PJA1: variants seen among roughly 807,000 people sequenced by gnomAD.
The protein encoded by PJA1 is praja ring finger ubiquitin ligase 1.
Under a neutral mutation model 14.1 loss-of-function variants are expected in PJA1, and 5 were observed. The observed-to-expected ratio is 0.35, with a 90% confidence interval of 0.18 to 0.74. PJA1 has a LOEUF of 0.74. Ranked by LOEUF, PJA1 falls within the 30% of genes least tolerant of loss-of-function variation. The pLI, the probability that PJA1 is intolerant of heterozygous loss-of-function variation, is 0.56. For synonymous variants in PJA1, 174 were observed against 190.9 expected, an observed-to-expected ratio of 0.91 and a Z score of 0.73; for missense variants, 394 against 482.6, an observed-to-expected ratio of 0.82 and a Z score of 1.72.
chrX:69,162,540 G>A lies in PJA1; in HGVS notation c.534C>T (p.Pro178=). 8.3e-7 allele frequency: 1 copy of A among 1,211,540 alleles called. No individual in the cohort carries two copies. The highest frequency in any genetic ancestry group is 1.1e-6 in the Non-Finnish European group (1 of 895,490). ...ERREQNLPAR[P]SRAPVSICGG... ...CACAAATACTCACAGGAGCCCTGCTGGGACGTGCAGGTAAATTTTGCTCCC... is the reference window on the plus strand; with the variant it reads ...CACAAATACTCACAGGAGCCCTGCTAGGACGTGCAGGTAAATTTTGCTCCC... Residue 178 remains proline (P), a synonymous_variant, in exon 2 of 2, where the codon CCC becomes CCT. Transcript: ENST00000374571.
In PJA1 at chrX:69,162,974, G is replaced by A. The variant is rs761621818; in HGVS notation, c.100C>T (p.Leu34=). ...WDDSESSGTN[L]NIDNEDYSRY... Reference sequence around the variant, plus strand: ...GAATAGTCCTCATTATCAATATTCAGGTTGGTTCCCGAACTCTCGCTGTCG... The same window carrying A: ...GAATAGTCCTCATTATCAATATTCAAGTTGGTTCCCGAACTCTCGCTGTCG... The change falls in exon 2 of 2, where the codon CTG becomes TTG. Residue 34 remains leucine, a synonymous_variant. Coordinates refer to ENST00000374571, the MANE Select transcript of PJA1 (RefSeq NM_001032396.4). The A allele has an allele frequency of 8.3e-7, 1 of 1,210,911 alleles. No individual in the cohort carries two copies. Among genetic ancestry groups the A allele is most frequent in the Admixed American group, 2.2e-5 (1 of 45,947 alleles).
chrX:69,165,199 G>T (rs1293825250), intron 1 of PJA1, among the ~76,000 whole-genome samples, 173 bp downstream of exon 1: 1 of 111,872 alleles, frequency 8.9e-6, no homozygotes, highest in African/African-American at 3.3e-5. Flanking sequence ...GCCTCACTCT[G>T]CAGTCAGGTC....
At position 69,161,730 on chromosome X, in the gene PJA1, C is replaced by G; in HGVS notation, c.1344G>C (p.Val448=). Reference sequence around the variant, plus strand: ...TCCAATCCACTTCTAGGTCTTCGCTCACACTGGAGTCATCTTCAAGGTTGT... The same window carrying G: ...TCCAATCCACTTCTAGGTCTTCGCTGACACTGGAGTCATCTTCAAGGTTGT... The part of the protein sequence containing the change: ...GNNNLEDDSS[V]SEDLEVDWSL... The change falls in exon 2 of 2, where the codon GTG becomes GTC. Residue 448 remains valine (V), a synonymous_variant. Coordinates refer to ENST00000374571, the MANE Select transcript of PJA1 (RefSeq NM_001032396.4). 1 of 1,211,679 alleles carries G rather than the reference C, an allele frequency of 8.3e-7. No homozygotes were observed. The highest frequency in any genetic ancestry group is 1.8e-5 in the South Asian group (1 of 56,930).
chrX:69,162,688 G>C lies in PJA1; in HGVS notation c.386C>G (p.Pro129Arg), dbSNP rs1214290744. The change falls in exon 2 of 2, where the codon CCA (proline) becomes CGA (arginine). Residue 129 changes from proline (P) to arginine (R), a missense_variant. Pro to Arg is a moderately radical substitution (Grantham distance 103). This residue lies in a region of PJA1 where 378 missense variants were observed against 439.3 expected (regional missense o/e 0.86). Coordinates refer to ENST00000374571, the MANE Select transcript of PJA1 (RefSeq NM_001032396.4). The stretch of plus-strand genomic sequence containing the variant: ...AGCTGAGCATCTTGCTGCAGGGACT[G>C]GGTCTAACTTGTCTCGCTCCTCTCT... ...DVREERDKLD[P>R]VPAARCSASR... is the part of the protein sequence containing the mutation. 5 of 1,209,058 alleles carry C rather than the reference G, an allele frequency of 4.1e-6. No homozygotes were observed. The highest frequency in any genetic ancestry group is 5.6e-6 in the Non-Finnish European group (5 of 894,014).
rs61735027 is a variant in PJA1, at chrX:69,162,034, C to T, written c.1040G>A (p.Arg347Gln). The T allele has an allele frequency of 2.2e-4, 265 of 1,208,486 alleles. No homozygotes were observed. In the African/African-American group the frequency reaches 4.0e-3, roughly 18 times the overall value. The change falls in exon 2 of 2, where the codon CGG becomes CAG. Residue 347 changes from arginine to glutamine, a missense_variant. Arg to Gln is a conservative substitution (Grantham distance 43). Coordinates refer to ENST00000374571, the MANE Select transcript of PJA1 (RefSeq NM_001032396.4). ...SWETLPGKEE[R>Q]EPPQAKVSAS... The stretch of plus-strand genomic sequence containing the variant: ...ACTCACCTTAGCCTGTGGAGGTTCC[C>T]GCTCTTCTTTCCCCGGCAGAGTCTC...
At position 69,161,728 on chromosome X, in the gene PJA1, C is replaced by A. The variant is rs1485362441; in HGVS notation, c.1346G>T (p.Ser449Ile). 8.3e-7 allele frequency: 1 copy of A among 1,211,694 alleles called. No individual in the cohort carries two copies. Among genetic ancestry groups the A allele is most frequent in the Admixed American group, 2.2e-5 (1 of 46,059 alleles). ...NNNLEDDSSV[S>I]EDLEVDWSLF... The stretch of plus-strand genomic sequence containing the variant: ...GCTCCAATCCACTTCTAGGTCTTCG[C>A]TCACACTGGAGTCATCTTCAAGGTT... Residue 449 changes from serine to isoleucine, a missense_variant, in exon 2 of 2, where the codon AGC becomes ATC. Physicochemically the swap from Ser to Ile is moderately radical, Grantham distance 142. Coordinates refer to ENST00000374571, the MANE Select transcript of PJA1 (RefSeq NM_001032396.4).
At position 69,162,538 on chromosome X, in the gene PJA1, C is replaced by A; in HGVS notation, c.536G>T (p.Ser179Ile). Residue 179 changes from serine (S) to isoleucine (I), a missense_variant, in exon 2 of 2, where the codon AGC becomes ATC. Ser to Ile is a moderately radical substitution (Grantham distance 142). Coordinates refer to ENST00000374571, the MANE Select transcript of PJA1 (RefSeq NM_001032396.4). ...RREQNLPARP[S>I]RAPVSICGGG... ...ACCACAAATACTCACAGGAGCCCTG[C>A]TGGGACGTGCAGGTAAATTTTGCTC... 1 of 1,211,712 alleles carries A rather than the reference C, an allele frequency of 8.3e-7. No individual in the cohort carries two copies. The highest frequency in any genetic ancestry group is 1.1e-6 in the Non-Finnish European group (1 of 895,545).
At position 69,162,228 on chromosome X, in the gene PJA1, C is replaced by T. The variant is rs1925070011; in HGVS notation, c.846G>A (p.Lys282=). 8.3e-7 allele frequency: 1 copy of T among 1,208,704 alleles called. No individual in the cohort carries two copies. The highest frequency in any genetic ancestry group is 1.8e-5 in the African/African-American group (1 of 56,766). ...CCATGGTGCGTCGTCGTCTCGGCACCTTTTCTGGTTTCACTTGGTCACTCC... is the reference window on the plus strand; with the variant it reads ...CCATGGTGCGTCGTCGTCTCGGCACTTTTTCTGGTTTCACTTGGTCACTCC... ...EARSDQVKPE[K]VPRRRRTMAD... Residue 282 remains lysine, a synonymous_variant, in exon 2 of 2, where the codon AAG becomes AAA. Transcript: ENST00000374571.
intron 1 of PJA1, 150 bp from the exon 2 acceptor site, chrX:69,163,290 T>TCCTGCTC: frequency 8.9e-7 from 1 of 1,126,670 alleles, no homozygotes; most frequent in Non-Finnish European, 1.2e-6. Context: ...GTAGGAGGGC[T>TCCTGCTC]CCTGCTCCCT....
Position 69,162,573 on chromosome X carries a change from C to T in PJA1, c.501G>A (p.Arg167=). Residue 167 remains arginine (R), a synonymous_variant, in exon 2 of 2, where the codon AGG becomes AGA. Coordinates refer to ENST00000374571, the MANE Select transcript of PJA1 (RefSeq NM_001032396.4). ...CAGGTAAATTTTGCTCCCTTCTCTC[C>T]CTCTCCGAGCTGTCACCTTTTGTAG... ...KLATKGDSSE[R]ERREQNLPAR... 9.9e-6 allele frequency: 12 copies of T among 1,211,278 alleles called. No homozygotes were observed. The highest frequency in any genetic ancestry group is 1.3e-5 in the Non-Finnish European group (12 of 895,479).
Position 69,162,863 on chromosome X carries a change from T to TATC in PJA1, c.208_210dup (p.Asp70dup), listed in dbSNP as rs1925115628. 8.3e-7 allele frequency: 1 copy of TATC among 1,209,421 alleles called. No homozygotes were observed. The highest frequency in any genetic ancestry group is 1.1e-6 in the Non-Finnish European group (1 of 895,180). Reference sequence around the variant, plus strand: ...ACAGGCCCAGCCCCCTCCTCCTCACTATCATCTGCCCCATAAGAGTCAATA... The same window carrying TATC: ...ACAGGCCCAGCCCCCTCCTCCTCACTATCATCATCTGCCCCATAAGAGTCAATA... On this transcript the variant is annotated inframe_insertion, in exon 2 of 2. Transcript: ENST00000374571.
At chrX:69,164,905 A>AT (rs1925223707) in intron 1 of PJA1, among the ~76,000 whole-genome samples, 1 of 111,602 alleles carries the variant, frequency 9.0e-6, no homozygotes, top group Non-Finnish European at 1.9e-5. Flanking sequence ...TTTCCTTCCA[A>AT]TTTTTTCCCT....
intron 1 of PJA1, among the ~76,000 whole-genome samples, chrX:69,163,741 G>C (rs1925156111): frequency 9.0e-6 from 1 of 111,539 alleles, no homozygotes; most frequent in Non-Finnish European, 1.9e-5. Context: ...GAGTGCCTAT[G>C]TGTCTGTCTA....
chrX:69,162,544 C>T lies in PJA1; in HGVS notation c.530G>A (p.Arg177His), dbSNP rs200972780. 5.8e-6 allele frequency: 7 copies of T among 1,209,641 alleles called. No homozygotes were observed. The highest frequency in any genetic ancestry group is 5.9e-5 in the East Asian group (2 of 33,741). The stretch of plus-strand genomic sequence containing the variant: ...AATACTCACAGGAGCCCTGCTGGGA[C>T]GTGCAGGTAAATTTTGCTCCCTTCT... ...RERREQNLPA[R>H]PSRAPVSICG... The change falls in exon 2 of 2, where the codon CGT becomes CAT. Residue 177 changes from arginine (R) to histidine (H), a missense_variant. Transcript: ENST00000374571.
chrX:69,165,054 G>A (rs1366781861), intron 1 of PJA1, among the ~76,000 whole-genome samples: 2 of 111,355 alleles, frequency 1.8e-5, no homozygotes, highest in African/African-American at 6.5e-5. Context: ...GAGAGGCAGG[G>A]AGAAGTGGGA....
rs1399395052 is a variant in PJA1 at position 69,162,619 on chromosome X, G to C, written c.455C>G (p.Ser152Trp). Residue 152 changes from serine (S) to tryptophan (W), a missense_variant, in exon 2 of 2, where the codon TCG becomes TGG. Coordinates refer to ENST00000374571, the MANE Select transcript of PJA1 (RefSeq NM_001032396.4). ...TGTAGCCAGCTTGCCTTCAGAAGAC[G>C]ACTGTGAGGCCACACTACTTTGTGG... is the stretch of plus-strand genomic sequence containing the variant. ...FLPQSSVASQ[S>W]SSEGKLATKG... The C allele has an allele frequency of 8.3e-7, 1 of 1,211,109 alleles. No homozygotes were observed. Among genetic ancestry groups the C allele is most frequent in the African/African-American group, 1.7e-5 (1 of 57,640 alleles).
rs753153721 is a variant in PJA1 at position 69,162,020 on chromosome X, C to G, written c.1054G>C (p.Ala352Pro). ...PGKEEREPPQ[A>P]KVSASTGTSP... Reference sequence around the variant, plus strand: ...GTGCCAGTGCTGGCACTCACCTTAGCCTGTGGAGGTTCCCGCTCTTCTTTC... The same window carrying G: ...GTGCCAGTGCTGGCACTCACCTTAGGCTGTGGAGGTTCCCGCTCTTCTTTC... The change falls in exon 2 of 2, where the codon GCT (alanine) becomes CCT (proline). Residue 352 changes from alanine to proline, a missense_variant. Around this residue, in one of 2 missense-constraint regions of PJA1, gnomAD observed 378 missense variants for 439.3 expected, o/e 0.86. Coordinates refer to ENST00000374571, the MANE Select transcript of PJA1 (RefSeq NM_001032396.4). 1 of 1,210,951 alleles carries G rather than the reference C, an allele frequency of 8.3e-7. No homozygotes were observed. The highest frequency in any genetic ancestry group is 2.2e-5 in the Admixed American group (1 of 46,068).
At position 69,161,135 on chromosome X, in the gene PJA1, A is replaced by T; in HGVS notation, c.*172T>A. The T allele has an allele frequency of 1.4e-6, 1 of 710,940 alleles. No homozygotes were observed. Among genetic ancestry groups the T allele is most frequent in the Non-Finnish European group, 1.9e-6 (1 of 526,614 alleles). The allele number at this position is 710,940 out of a possible 1,213,427, so 58.6% of individuals were successfully genotyped here. A position where few individuals can be genotyped will look rare whatever the true frequency, so the allele number is the denominator to read the frequency against. On this transcript the variant is annotated 3_prime_UTR_variant, in exon 2 of 2. Transcript: ENST00000374571. ...ACCTCTAAAAGATGATATGATTTTTAATGCAATCATACACAACTGTTTTCA... is the reference window on the plus strand; with the variant it reads ...ACCTCTAAAAGATGATATGATTTTTTATGCAATCATACACAACTGTTTTCA...
chrX:69,161,993 T>G lies in PJA1; in HGVS notation c.1081A>C (p.Ser361Arg), dbSNP rs754304192. The G allele has an allele frequency of 1.7e-6, 2 of 1,210,679 alleles. No homozygotes were observed. Among genetic ancestry groups the G allele is most frequent in the Admixed American group, 2.2e-5 (1 of 46,046 alleles). ...CTGGCACTAGCACCGGGGCCAGGGC[T>G]GGTGCCAGTGCTGGCACTCACCTTA... ...QAKVSASTGTSPGPGASASAG... is the reference protein window; with the variant it reads ...QAKVSASTGTRPGPGASASAG... Residue 361 changes from serine to arginine, a missense_variant, in exon 2 of 2, where the codon AGC becomes CGC. Physicochemically the swap from Ser to Arg is moderately radical, Grantham distance 110. This residue lies in a region of PJA1 where 378 missense variants were observed against 439.3 expected (regional missense o/e 0.86). Coordinates refer to ENST00000374571, the MANE Select transcript of PJA1 (RefSeq NM_001032396.4).
Sources: gnomAD v4.1 joint callset for allele counts (sites outside exome capture counted in the v4.1 genomes callset) on GRCh38, gnomAD v4.1.1 for gene constraint, gnomAD v4.1.1 regional missense constraint, MANE v1.5 for transcripts, NCBI Gene and HGNC (gene_info 2026-07-23, HGNC 2026-07-21) for gene names.